Variants in UBR1 observed in about 807,000 individuals in gnomAD.
UBR1 encodes ubiquitin protein ligase E3 component n-recognin 1, also known as E3 ubiquitin-protein ligase UBR1.
In UBR1, 102 loss-of-function variants were observed where a neutral mutation model predicts 242.1. That is an observed-to-expected ratio of 0.42 (90% CI 0.36 to 0.50). The LOEUF (loss-of-function observed/expected upper bound fraction) is 0.50. UBR1 is among the 20% of genes least tolerant of loss of function. UBR1 has a pLI of 0.01. For missense variants in UBR1, 1,772 were observed against 2,101.8 expected (o/e 0.84, Z 3.07); for synonymous variants, 675 against 684.8 (o/e 0.99, Z 0.22).
intron 37 of UBR1, among the ~76,000 whole-genome samples, chr15:42,980,886 G>A (rs1376709876): frequency 6.6e-6 from 1 of 152,148 alleles, no homozygotes. Flanking sequence ...ACAGGTGTAA[G>A]CCATTACACC....
At chr15:42,961,937 T>G (rs1270334399) in intron 42 of UBR1, among the ~76,000 whole-genome samples, 1 of 150,274 alleles carries the variant, frequency 6.7e-6, no homozygotes, top group Admixed American at 6.6e-5. Flanking sequence ...TTTTTTTTTT[T>G]GTATTTTTAG....
chr15:43,053,944 A>G (rs2033586076), intron 12 of UBR1, among the ~76,000 whole-genome samples: 1 of 151,626 alleles, frequency 6.6e-6, no homozygotes, highest in South Asian at 2.1e-4. Context: ...CTTCTGCCTC[A>G]GCCTCATGGC....
chr15:43,017,171 G>A lies in UBR1; in HGVS notation c.2951C>T (p.Thr984Ile). 6.2e-7 allele frequency: 1 copy of A among 1,612,472 alleles called. No homozygotes were observed. The highest frequency in any genetic ancestry group is 8.5e-7 in the Non-Finnish European group (1 of 1,179,382). Reference sequence around the variant, plus strand: ...AGATTTTTCTCTTAATCGCTTCACTGTGTCAAACATCTGTGAAAAACAGAT... The same window carrying A: ...AGATTTTTCTCTTAATCGCTTCACTATGTCAAACATCTGTGAAAAACAGAT... ...MITWILQMFD[T>I]VKRLREKSCL... Residue 984 changes from threonine to isoleucine, a missense_variant, in exon 28 of 47, where the codon ACA becomes ATA. Transcript: ENST00000290650.
intron 2 of UBR1, 120 bp from the exon 3 acceptor site, chr15:43,082,836 C>T (rs1567147379): frequency 1.3e-6 from 1 of 741,440 alleles, no homozygotes; most frequent in Non-Finnish European, 2.4e-6. Flanking sequence ...TATGAAAATG[C>T]TTCAAAAACT....
At position 43,024,903 on chromosome 15, in the gene UBR1, A is replaced by T; in HGVS notation, c.2665T>A (p.Tyr889Asn). Residue 889 changes from tyrosine to asparagine, a missense_variant, in exon 25 of 47, where the codon TAC (tyrosine) becomes AAC (asparagine). By Grantham distance (143) the Tyr-to-Asn change is moderately radical. This residue lies in a region of UBR1 where 965 missense variants were observed against 1,079.7 expected (regional missense o/e 0.89). Transcript: ENST00000290650. ...INLLNCDIMM[Y>N]ILRTVFERAI... ...CGCTCAAATACGGTCCTGAGAATGTACATCATGATATCACAGTTGAGAAGG... is the reference window on the plus strand; with the variant it reads ...CGCTCAAATACGGTCCTGAGAATGTTCATCATGATATCACAGTTGAGAAGG... 6.2e-7 allele frequency: 1 copy of T among 1,614,234 alleles called. No homozygotes were observed. The highest frequency in any genetic ancestry group is 8.5e-7 in the Non-Finnish European group (1 of 1,180,034).
At chr15:42,969,910 C>T (rs4923954) in intron 40 of UBR1, among the ~76,000 whole-genome samples, 9 of 152,222 alleles carry the variant, frequency 5.9e-5, no homozygotes, top group South Asian at 2.1e-4. Context: ...TGAAAATGGT[C>T]GTACTGCTCA....
chr15:43,080,460 A>AT (rs2033963142), intron 3 of UBR1, among the ~76,000 whole-genome samples: 2 of 152,178 alleles, frequency 1.3e-5, no homozygotes, highest in Admixed American at 6.5e-5. Flanking sequence ...ATCATACAGT[A>AT]TGTAGCCTTT....
At chr15:42,993,386 CAG>C (rs1421719166) in intron 33 of UBR1, among the ~76,000 whole-genome samples, 1 of 147,332 alleles carries the variant, frequency 6.8e-6, no homozygotes, top group African/African-American at 2.5e-5. Context: ...TTTTTAAAGA[CAG>C]AGTCTCGCTG....
chr15:43,043,159 G>C lies in UBR1; in HGVS notation c.1849+56C>G. On this transcript the variant is annotated intron_variant, in intron 15 of 46. Transcript: ENST00000290650. Reference sequence around the variant, plus strand: ...AAAAATAGAAATGATTCTACTAAATGAATACCTAGAAAGAAAGCTAATAGG... The same window carrying C: ...AAAAATAGAAATGATTCTACTAAATCAATACCTAGAAAGAAAGCTAATAGG... 3 of 1,577,112 alleles carry C rather than the reference G, an allele frequency of 1.9e-6. No individual in the cohort carries two copies. In the South Asian group the frequency reaches 3.3e-5, roughly 18 times the overall value.
chr15:43,008,205 T>A (rs533443851), intron 29 of UBR1, among the ~76,000 whole-genome samples: 12 of 152,274 alleles, frequency 7.9e-5, no homozygotes, highest in African/African-American at 2.4e-4. Flanking sequence ...AGCCCTTGGG[T>A]TGGGAACAGG....
chr15:43,005,742 A>G (rs2032815147), intron 30 of UBR1, among the ~76,000 whole-genome samples: 1 of 152,096 alleles, frequency 6.6e-6, no homozygotes, highest in Non-Finnish European at 1.5e-5. Flanking sequence ...GTTCTGTACT[A>G]AGAAAAATTC....
chr15:42,984,045 T>G, intron 36 of UBR1, 52 bp from the exon 37 acceptor site: 74 of 1,344,240 alleles, frequency 5.5e-5, no homozygotes, highest in Non-Finnish European at 6.8e-5. Flanking sequence ...ATGAGAGACC[T>G]AAGTCATCCA....
intron 6 of UBR1, among the ~76,000 whole-genome samples, chr15:43,065,536 G>A (rs997626019): frequency 2.0e-5 from 3 of 152,128 alleles, no homozygotes; most frequent in African/African-American, 7.2e-5. Context: ...AGGCCCCAGA[G>A]TGTGTTGTTC....
intron 3 of UBR1, among the ~76,000 whole-genome samples, chr15:43,079,339 C>A (rs1342020897): frequency 1.3e-5 from 2 of 151,950 alleles, no homozygotes; most frequent in Non-Finnish European, 2.9e-5. Context: ...AATGTAAAAA[C>A]AAATTAAAAA....
At chr15:43,025,126 T>G (rs2033162639) in intron 24 of UBR1, 143 bp from the exon 25 acceptor site, 1 of 1,079,414 alleles carries the variant, frequency 9.3e-7, no homozygotes, top group African/African-American at 1.6e-5. Flanking sequence ...TTTCCAGTAC[T>G]GAAAATATCA....
At chr15:43,055,040 TGAA>T (rs1419836795) in intron 11 of UBR1, 141 bp from the exon 12 acceptor site, 6 of 1,019,662 alleles carry the variant, frequency 5.9e-6, no homozygotes, top group Non-Finnish European at 8.7e-6. Flanking sequence ...TTAGTTTCAC[TGAA>T]TAGCAACTAC....
Position 43,002,632 on chromosome 15 carries a change from T to G in UBR1, c.3582A>C (p.Glu1194Asp). The G allele has an allele frequency of 1.2e-6, 2 of 1,614,186 alleles. No individual in the cohort carries two copies. The highest frequency in any genetic ancestry group is 1.1e-5 in the South Asian group (1 of 91,086). ...GAGATTTGCAAAGAGGGCAAAGATA[T>G]TCTCCACTTTCCAAGTCAAAAAGGT... The part of the protein sequence containing the change: ...HVDLFDLESG[E>D]YLCPLCKSLC... The change falls in exon 32 of 47, where the codon GAA becomes GAC. Residue 1194 changes from glutamate to aspartate, a missense_variant. This residue lies in a region of UBR1 where 965 missense variants were observed against 1,079.7 expected (regional missense o/e 0.89). Coordinates refer to ENST00000290650, the MANE Select transcript of UBR1 (RefSeq NM_174916.3).
In UBR1 at chr15:43,032,575, A is replaced by G. The variant is rs1233566796; in HGVS notation, c.2247T>C (p.Tyr749=). 1.3e-6 allele frequency: 2 copies of G among 1,535,994 alleles called. No individual in the cohort carries two copies. Residue 749 remains tyrosine, a synonymous_variant, in exon 20 of 47, where the codon TAT becomes TAC. Coordinates refer to ENST00000290650, the MANE Select transcript of UBR1 (RefSeq NM_174916.3). The stretch of plus-strand genomic sequence containing the variant: ...ATTGTGTTTTAATCTTACCCACAAT[A>G]TAGATGAGGACCTGAAGCATTTCTT... ...LIEEMLQVLI[Y]IVGERYVPGV...
Position 42,964,059 on chromosome 15 carries a change from A to T in UBR1, c.4592-16T>A, listed in dbSNP as rs1404790057. 5.9e-6 allele frequency: 9 copies of T among 1,517,476 alleles called. No homozygotes were observed. In the Admixed American group the frequency reaches 1.3e-4, roughly 23 times the overall value. The allele number at this position is 1,517,476 out of a possible 1,614,324, so 94.0% of individuals were successfully genotyped here. The stretch of plus-strand genomic sequence containing the variant: ...TCTGCAGAATCTGCAAGAGAATAAA[A>T]ATACATTTAATAAGCACATTATTCT... On this transcript the variant is annotated splice_polypyrimidine_tract_variant and intron_variant, in intron 41 of 46. Transcript: ENST00000290650.
Sources: gnomAD v4.1 joint callset for allele counts (sites outside exome capture counted in the v4.1 genomes callset) on GRCh38, gnomAD v4.1.1 for gene constraint, gnomAD v4.1.1 regional missense constraint, MANE v1.5 for transcripts, NCBI Gene and HGNC (gene_info 2026-07-23, HGNC 2026-07-21) for gene names.